The following AMBP variants were observed in gnomAD, a reference collection of about 807,000 sequenced individuals.
AMBP encodes the protein protein AMBP.
In AMBP, 37 loss-of-function variants were observed where a neutral mutation model predicts 46.3. The ratio of observed to expected loss-of-function variants is 0.80; its 90% CI spans 0.61 to 1.05. The LOEUF is 1.05. Ranked by LOEUF, AMBP falls within the 50% of genes least tolerant of loss-of-function variation. The pLI is 0.00. For missense variants in AMBP, 475 were observed against 461.2 expected, an observed-to-expected ratio of 1.03 and a Z score of -0.27; for synonymous variants, 174 against 175.9, an observed-to-expected ratio of 0.99 and a Z score of 0.09.
rs771529237 is a variant in AMBP, at chr9:114,078,197, C to CAGCAA, written c.12_13insTTGCT (p.Gly5LeufsTer9). Reference sequence around the variant, plus strand: ...GCGCTCAGCAGCAAGAGCAGGGCCCCGAGGCTCCTCATGGCTATGGGCTCC... The same window carrying CAGCAA: ...GCGCTCAGCAGCAAGAGCAGGGCCCCAGCAAGAGGCTCCTCATGGCTATGGGCTCC... On this transcript the variant is annotated frameshift_variant, in exon 1 of 10. Transcript: ENST00000265132. LOFTEE classifies it high-confidence loss of function. 6.2e-7 allele frequency: 1 copy of CAGCAA among 1,612,546 alleles called. No individual in the cohort carries two copies. Among genetic ancestry groups the CAGCAA allele is most frequent in the Non-Finnish European group, 8.5e-7 (1 of 1,179,952 alleles).
chr9:114,070,922 G>A (rs533944204), intron 5 of AMBP, among the ~76,000 whole-genome samples: 2 of 152,270 alleles, frequency 1.3e-5, no homozygotes, highest in African/African-American at 4.8e-5. Context: ...GCAGGGCTGC[G>A]AGCCAGGCAA....
chr9:114,068,808 TAAAA>T (rs34177397), intron 6 of AMBP, among the ~76,000 whole-genome samples: 2 of 97,130 alleles, frequency 2.1e-5, no homozygotes, highest in African/African-American at 4.1e-5. Flanking sequence ...GTGGTGAGAT[TAAAA>T]AAAAAAAAAA....
At chr9:114,063,508 C>T (rs1472989988) in intron 6 of AMBP, among the ~76,000 whole-genome samples, 1 of 152,098 alleles carries the variant, frequency 6.6e-6, no homozygotes, top group Non-Finnish European at 1.5e-5. Context: ...ATAGGCTTTC[C>T]TTGATGAGGA....
intron 6 of AMBP, among the ~76,000 whole-genome samples, chr9:114,067,001 C>T (rs972223801): frequency 2.0e-5 from 3 of 152,092 alleles, no homozygotes; most frequent in African/African-American, 7.2e-5. Context: ...AGTGCAATGG[C>T]GCGATCACGG....
At position 114,060,252 on chromosome 9, in the gene AMBP, C is replaced by T. The variant is rs556321864; in HGVS notation, c.1046G>A (p.Arg349His). 19 of 1,613,216 alleles carry T rather than the reference C, an allele frequency of 1.2e-5. No individual in the cohort carries two copies. The highest frequency in any genetic ancestry group is 6.7e-5 in the African/African-American group (5 of 74,902). Residue 349 changes from arginine (R) to histidine (H), a missense_variant, in exon 10 of 10, where the codon CGC becomes CAC. By Grantham distance (29) the Arg-to-His change is conservative. Coordinates refer to ENST00000265132, the MANE Select transcript of AMBP (RefSeq NM_001633.4). Reference sequence around the variant, plus strand: ...ACCGGCCAGTTGTCAGTTGGAGAAGCGCAGCAGCTCCTCATCACCTGTGGA... The same window carrying T: ...ACCGGCCAGTTGTCAGTTGGAGAAGTGCAGCAGCTCCTCATCACCTGTGGA... ...VPGDGDEELLRFSN is the reference protein window; with the variant it reads ...VPGDGDEELLHFSN
intron 7 of AMBP, 138 bp from the exon 8 acceptor site, chr9:114,061,729 T>G (rs1334211409): frequency 2.8e-6 from 3 of 1,080,960 alleles, no homozygotes; most frequent in Non-Finnish European, 3.8e-6. Flanking sequence ...AAACTGACTC[T>G]CAGAGAGGTG....
At chr9:114,068,358 G>C (rs940368822) in intron 6 of AMBP, among the ~76,000 whole-genome samples, 1 of 152,098 alleles carries the variant, frequency 6.6e-6, no homozygotes, top group Non-Finnish European at 1.5e-5. Context: ...CCAGCACTTT[G>C]GGAGACCAAA....
intron 6 of AMBP, among the ~76,000 whole-genome samples, chr9:114,065,979 T>C (rs1325954001): frequency 6.6e-6 from 1 of 152,212 alleles, no homozygotes; most frequent in Non-Finnish European, 1.5e-5. Flanking sequence ...GCAATGGATG[T>C]ACTTTCTCAG....
intron 2 of AMBP, among the ~76,000 whole-genome samples, chr9:114,076,133 G>A (rs981129231): frequency 9.9e-5 from 15 of 152,084 alleles, no homozygotes; most frequent in African/African-American, 3.6e-4. Context: ...GGGTGGAAGG[G>A]TGGAGGTCAG....
At chr9:114,060,827 C>T (rs1471841944) in intron 9 of AMBP, 98 bp downstream of exon 9, 38 of 1,383,054 alleles carry the variant, frequency 2.7e-5, no homozygotes, top group Non-Finnish European at 3.7e-5. Flanking sequence ...GTACAGAGTC[C>T]AGAACTCAGC....
chr9:114,062,245 T>C (rs1325316103), intron 7 of AMBP, among the ~76,000 whole-genome samples: 2 of 152,136 alleles, frequency 1.3e-5, no homozygotes, highest in Non-Finnish European at 2.9e-5. Context: ...CAGGGTTCAG[T>C]GTTTGTTTGC....
At position 114,060,215 on chromosome 9, in the gene AMBP, T is replaced by TCTGA. The variant is rs765982318; in HGVS notation, c.*20_*23dup. On this transcript the variant is annotated 3_prime_UTR_variant, in exon 10 of 10. Transcript: ENST00000265132. ...ACCCCGGGACAGACACTGGCCATCC[T>TCTGA]CTGACTTGCAGACCGGCCAGTTGTC... 117 of 1,610,898 alleles carry TCTGA rather than the reference T, an allele frequency of 7.3e-5. No homozygotes were observed. Among genetic ancestry groups the TCTGA allele is most frequent in the Non-Finnish European group, 9.6e-5 (113 of 1,178,502 alleles).
At chr9:114,065,314 T>G (rs1269246981) in intron 6 of AMBP, among the ~76,000 whole-genome samples, 1 of 152,010 alleles carries the variant, frequency 6.6e-6, no homozygotes, top group Non-Finnish European at 1.5e-5. Context: ...TATAAACGGG[T>G]GATTCGCACA....
intron 6 of AMBP, among the ~76,000 whole-genome samples, chr9:114,068,999 G>A (rs1434730186): frequency 6.6e-6 from 1 of 150,984 alleles, no homozygotes; most frequent in East Asian, 1.9e-4. Flanking sequence ...TTTTGTGGGG[G>A]GTTTATAGTT....
At chr9:114,073,176 G>A in intron 4 of AMBP, 150 bp from the exon 5 acceptor site, 1 of 686,928 alleles carries the variant, frequency 1.5e-6, no homozygotes, top group Non-Finnish European at 2.4e-6. Context: ...AGGAAAGACA[G>A]GCTCCCAAGA....
At chr9:114,062,622 G>A (rs373758990) in intron 7 of AMBP, 55 bp downstream of exon 7, 159 of 1,566,360 alleles carry the variant, frequency 1.0e-4, no homozygotes, top group Non-Finnish European at 1.3e-4. Flanking sequence ...AGCCAACTGT[G>A]GGCCCTTCCT....
intron 2 of AMBP, among the ~76,000 whole-genome samples, chr9:114,076,192 G>A (rs1446403923): frequency 6.6e-6 from 1 of 152,034 alleles, no homozygotes; most frequent in Non-Finnish European, 1.5e-5. Flanking sequence ...GGAAAGAAAG[G>A]GAGGTGGCTT....
chr9:114,062,571 T>TAACAGA, intron 7 of AMBP, 106 bp downstream of exon 7: 1 of 1,165,158 alleles, frequency 8.6e-7, no homozygotes, highest in East Asian at 2.4e-5. Flanking sequence ...CTTGAGTCTC[T>TAACAGA]AACAGATAAA....
intron 2 of AMBP, 79 bp from the exon 3 acceptor site, chr9:114,075,115 T>C (rs1299800954): frequency 1.7e-6 from 2 of 1,158,696 alleles, no homozygotes; most frequent in Non-Finnish European, 2.5e-6. Context: ...TGCAGGGCTC[T>C]TTCCAAATGC....
Sources: allele counts gnomAD v4.1 joint callset (sites outside exome capture counted in the v4.1 genomes callset), GRCh38; gene constraint gnomAD v4.1.1; transcripts MANE v1.5; gene names NCBI Gene and HGNC (gene_info 2026-07-23, HGNC 2026-07-21).